The following RIMS2 variants were observed in gnomAD, a reference collection of about 807,000 sequenced individuals.
RIMS2 encodes the protein regulating synaptic membrane exocytosis 2.
Under a neutral mutation model 174.4 loss-of-function variants are expected in RIMS2, and 59 were observed. That is an observed-to-expected ratio of 0.34 (90% CI 0.27 to 0.42). RIMS2 has a LOEUF of 0.42. RIMS2 is among the 10% of genes least tolerant of loss of function. RIMS2 has a pLI of 1.00. For synonymous variants in RIMS2, 606 were observed against 572.5 expected (o/e 1.06, Z -0.84); for missense variants, 1,620 against 1,666.3 (o/e 0.97, Z 0.48).
intron 19 of RIMS2, among the ~76,000 whole-genome samples, chr8:104,168,858 G>T (rs141788508): frequency 2.2e-4 from 34 of 152,066 alleles, no homozygotes; most frequent in Non-Finnish European, 4.6e-4. Flanking sequence ...TATCATAAAG[G>T]GATGTTGGAT....
At chr8:103,961,223 T>C in intron 15 of RIMS2, 90 bp downstream of exon 17, 2 of 738,744 alleles carry the variant, frequency 2.7e-6, no homozygotes, top group Non-Finnish European at 4.7e-6. Flanking sequence ...AAGAGAAAGA[T>C]ATAACTCGTC....
At chr8:103,616,033 A>T (rs1239878358) in intron 1 of RIMS2, among the ~76,000 whole-genome samples, 1 of 152,218 alleles carries the variant, frequency 6.6e-6, no homozygotes, top group African/African-American at 2.4e-5. Flanking sequence ...GGCCAGCATC[A>T]TCTTGATACC....
rs1346397898 is a variant in RIMS2 at position 103,919,380 on chromosome 8, A to G, written c.2083+893A>G. Among the ~76,000 whole-genome samples, 4 of 152,196 alleles carry G rather than the reference A, an allele frequency of 2.6e-5. 1 individual carries two copies. Among genetic ancestry groups the G allele is most frequent in the Admixed American group, 2.0e-4 (3 of 15,272 alleles). ...AAGAGGAAGAATGGTATGAATGAGG[A>G]CAGAGGAATAATGGGCAAATTGCAT... On this transcript the variant is annotated intron_variant, in intron 9 of 23. Transcript: ENST00000504942.
rs1173002898 is a variant in RIMS2, at chr8:103,766,220, T to C, written c.388-7T>C. ...CTAATTTTTTCCCCCTATGTCTTCA[T>C]GTGCAGGTTATGTGGGTATGTAATT... is the stretch of plus-strand genomic sequence containing the variant. On this transcript the variant is annotated splice_polypyrimidine_tract_variant and splice_region_variant and intron_variant, in intron 2 of 23. Transcript: ENST00000504942. 4 of 1,593,202 alleles carry C rather than the reference T, an allele frequency of 2.5e-6. No homozygotes were observed. The highest frequency in any genetic ancestry group is 2.2e-5 in the East Asian group (1 of 44,652).
At chr8:103,947,275 C>G (rs1021365643) in intron 14 of RIMS2, among the ~76,000 whole-genome samples, 1 of 152,146 alleles carries the variant, frequency 6.6e-6, no homozygotes, top group East Asian at 1.9e-4. Flanking sequence ...AAAATATTTG[C>G]TTTTCAAGAC....
At chr8:103,935,002 A>G (rs55840106) in intron 12 of RIMS2, among the ~76,000 whole-genome samples, 19,328 of 152,026 alleles carry the variant, frequency 0.13, 1,700 homozygotes, top group Non-Finnish European at 0.19. Context: ...CAGCCAGATA[A>G]ACCATTCTCG....
intron 19 of RIMS2, among the ~76,000 whole-genome samples, chr8:104,059,956 G>T (rs1045072023): frequency 1.3e-5 from 2 of 152,024 alleles, no homozygotes; most frequent in African/African-American, 4.8e-5. Context: ...TTGATGTGCT[G>T]CTGGATTCGT....
At chr8:103,814,728 A>G (rs890649396) in intron 3 of RIMS2, among the ~76,000 whole-genome samples, 1 of 152,034 alleles carries the variant, frequency 6.6e-6, no homozygotes, top group East Asian at 1.9e-4. Flanking sequence ...GAAAATCAAA[A>G]ATTATTCAGG....
chr8:103,582,273 C>T (rs1313601988), intron 1 of RIMS2, among the ~76,000 whole-genome samples: 1 of 152,186 alleles, frequency 6.6e-6, no homozygotes, highest in Non-Finnish European at 1.5e-5. Context: ...CACTGAATAA[C>T]CAGCAGCAAT....
intron 1 of RIMS2, among the ~76,000 whole-genome samples, chr8:103,542,752 C>T (rs1329223176): frequency 6.6e-6 from 1 of 152,058 alleles, no homozygotes; most frequent in Non-Finnish European, 1.5e-5. Context: ...ACCACATTAA[C>T]AGAATGAAGG....
intron 1 of RIMS2, among the ~76,000 whole-genome samples, chr8:103,567,146 CAT>C (rs1458252166): frequency 6.6e-6 from 1 of 152,194 alleles, no homozygotes; most frequent in Admixed American, 6.5e-5. Context: ...CATGTCATAA[CAT>C]GTGTCAGTAC....
chr8:104,183,788 A>C (rs150292878), intron 19 of RIMS2, among the ~76,000 whole-genome samples: 6 of 151,554 alleles, frequency 4.0e-5, no homozygotes, highest in African/African-American at 9.7e-5. Context: ...AAATAAAATA[A>C]ACTTTAGAGT....
chr8:103,876,750 G>A (rs1328263808), intron 3 of RIMS2, among the ~76,000 whole-genome samples: 2 of 149,824 alleles, frequency 1.3e-5, no homozygotes, highest in African/African-American at 2.4e-5. Context: ...ATCCCATCCA[G>A]GTTGCTGCAA....
At chr8:103,766,299 A>T in exon 3 of RIMS2, 1 of 1,613,344 alleles carries the variant, frequency 6.2e-7, no homozygotes, top group Non-Finnish European at 8.5e-7. Context: ...GTTTTATAAT[A>T]GTGGATCTAA....
chr8:103,757,559 GTC>G (rs1420678496), intron 2 of RIMS2, among the ~76,000 whole-genome samples: 1 of 151,914 alleles, frequency 6.6e-6, no homozygotes, highest in Non-Finnish European at 1.5e-5. Context: ...CTTTAATTTT[GTC>G]TATGGTAGGC....
intron 3 of RIMS2, among the ~76,000 whole-genome samples, chr8:103,860,956 AT>A (rs147093764): frequency 0.026 from 3,945 of 151,942 alleles, 100 homozygotes; most frequent in African/African-American, 0.064. Context: ...AGTAGGTTAT[AT>A]TTTTTCTTTT....
At chr8:103,610,209 T>A (rs2095318746) in intron 1 of RIMS2, among the ~76,000 whole-genome samples, 1 of 152,198 alleles carries the variant, frequency 6.6e-6, no homozygotes, top group East Asian at 1.9e-4. Context: ...TGAAGTTGTT[T>A]ATCAGACCAA....
chr8:103,757,000 TGTGTGTGTGTGAGA>T (rs1368181910), intron 2 of RIMS2, among the ~76,000 whole-genome samples: 10 of 142,000 alleles, frequency 7.0e-5, no homozygotes, highest in Admixed American at 6.8e-5. Context: ...TGTGTGTGTG[TGTGTGTGTGTGAGA>T]GAGAGAGAGA....
intron 11 of RIMS2, 82 bp from the exon 14 acceptor site, chr8:103,931,181 A>G: frequency 9.8e-7 from 1 of 1,015,656 alleles, no homozygotes; most frequent in Non-Finnish European, 1.5e-6. Context: ...ATTGTAAGAG[A>G]ATGGGGTGAA....
Sources: gnomAD v4.1 joint callset for allele counts (sites outside exome capture counted in the v4.1 genomes callset) on GRCh38, gnomAD v4.1.1 for gene constraint, MANE v1.5 for transcripts, NCBI Gene and HGNC (gene_info 2026-07-23, HGNC 2026-07-21) for gene names.